PTPRD: variants seen among roughly 807,000 people sequenced by gnomAD.
The protein encoded by PTPRD is receptor-type tyrosine-protein phosphatase delta.
Under a neutral mutation model 214.5 loss-of-function variants are expected in PTPRD, and 34 were observed. The observed-to-expected ratio is 0.16, with a 90% confidence interval of 0.12 to 0.21. The LOEUF (loss-of-function observed/expected upper bound fraction) is 0.21. Ranked by LOEUF, PTPRD falls within the 10% of genes least tolerant of loss-of-function variation. The pLI, the probability that PTPRD is intolerant of heterozygous loss-of-function variation, is 1.00. For missense variants in PTPRD, 2,545 were observed against 2,398.7 expected (o/e 1.06, Z -1.27); for synonymous variants, 1,128 against 845.7 (o/e 1.33, Z -5.79).
chr9:10,547,795 G>A (rs1198229166), intron 2 of PTPRD, among the ~76,000 whole-genome samples: 2 of 151,992 alleles, frequency 1.3e-5, no homozygotes, highest in African/African-American at 4.8e-5. Context: ...AAGTAACAAT[G>A]ACAGATTGCT....
intron 3 of PTPRD, among the ~76,000 whole-genome samples, chr9:10,229,964 C>T (rs914810416): frequency 1.3e-5 from 2 of 151,942 alleles, no homozygotes; most frequent in African/African-American, 4.8e-5. Flanking sequence ...ATAATTAATA[C>T]ACTCGTATAT....
Position 8,594,149 on chromosome 9 carries a change from T to A in PTPRD, c.352+39168A>T, listed in dbSNP as rs151280904. On this transcript the variant is annotated intron_variant, in intron 14 of 45. Transcript: ENST00000381196. ...TGCTGGATTGGTTTGACATGTGAAA[T>A]CACACAGAATAAATCTAATCTCCAA... 3.6e-4 allele frequency among the ~76,000 whole-genome samples: 55 copies of A among 152,278 alleles called. No homozygotes were observed. In the East Asian group the frequency reaches 7.0e-3, roughly 19 times the overall value.
intron 10 of PTPRD, among the ~76,000 whole-genome samples, chr9:9,165,805 T>G (rs12000463): frequency 0.23 from 35,034 of 152,070 alleles, 4,397 homozygotes; most frequent in African/African-American, 0.33. Context: ...AGGCTAAACT[T>G]GATTTCAATG....
intron 31 of PTPRD, among the ~76,000 whole-genome samples, chr9:8,465,954 C>T (rs2096536406): frequency 6.6e-6 from 1 of 151,866 alleles, no homozygotes; most frequent in Admixed American, 6.6e-5. Context: ...TCATTTCCTA[C>T]ACTAATGAAA....
chr9:10,453,883 G>C (rs1238686758), intron 2 of PTPRD, among the ~76,000 whole-genome samples: 1 of 151,464 alleles, frequency 6.6e-6, no homozygotes, highest in Non-Finnish European at 1.5e-5. Flanking sequence ...CTAGATATTA[G>C]AAAAAAAGCT....
At chr9:8,584,316 T>C (rs2093452513) in intron 14 of PTPRD, among the ~76,000 whole-genome samples, 1 of 152,190 alleles carries the variant, frequency 6.6e-6, no homozygotes, top group Non-Finnish European at 1.5e-5. Flanking sequence ...AAATACGATG[T>C]CTTTTCTGGT....
At chr9:10,530,417 C>T (rs1463908140) in intron 2 of PTPRD, among the ~76,000 whole-genome samples, 1 of 152,282 alleles carries the variant, frequency 6.6e-6, no homozygotes, top group Middle Eastern at 3.4e-3. Flanking sequence ...ATCTTTTTTA[C>T]AAACTCACTT....
intron 3 of PTPRD, among the ~76,000 whole-genome samples, chr9:10,198,077 G>C (rs1388658894): frequency 6.6e-6 from 1 of 151,916 alleles, no homozygotes; most frequent in Non-Finnish European, 1.5e-5. Flanking sequence ...CTATTAAATA[G>C]AAGAATAAAT....
chr9:9,735,029 A>G (rs1422864711), intron 6 of PTPRD, among the ~76,000 whole-genome samples: 2 of 152,108 alleles, frequency 1.3e-5, no homozygotes, highest in African/African-American at 4.8e-5. Flanking sequence ...GCTTTGATTT[A>G]TTTTTGAAAA....
intron 2 of PTPRD, among the ~76,000 whole-genome samples, chr9:10,478,064 G>T (rs2099074625): frequency 6.6e-6 from 1 of 151,688 alleles, no homozygotes; most frequent in African/African-American, 2.4e-5. Flanking sequence ...GTTGATAGGT[G>T]CAGGAAACCA....
chr9:9,808,852 A>T (rs978733620), intron 5 of PTPRD, among the ~76,000 whole-genome samples: 1 of 151,906 alleles, frequency 6.6e-6, no homozygotes, highest in African/African-American at 2.4e-5. Context: ...GCTCACTGAA[A>T]CCTCAAACTC....
chr9:10,082,834 C>CAA (rs2098264242), intron 3 of PTPRD, among the ~76,000 whole-genome samples: 3 of 94,576 alleles, frequency 3.2e-5, no homozygotes, highest in Non-Finnish European at 5.1e-5. Context: ...CACACACACA[C>CAA]ACACAAACAC....
intron 7 of PTPRD, among the ~76,000 whole-genome samples, chr9:9,619,049 A>G (rs2095074118): frequency 6.6e-6 from 1 of 152,128 alleles, no homozygotes; most frequent in African/African-American, 2.4e-5. Context: ...ATAAAAAAAT[A>G]TGTGCTTTTG....
chr9:8,459,509 T>C (rs1174901265), intron 33 of PTPRD, among the ~76,000 whole-genome samples: 1 of 152,044 alleles, frequency 6.6e-6, no homozygotes, highest in Non-Finnish European at 1.5e-5. Flanking sequence ...TGCTACTCTT[T>C]ATAAGTTCAT....
chr9:9,125,266 C>G (rs1011656678), intron 10 of PTPRD, among the ~76,000 whole-genome samples: 2 of 152,170 alleles, frequency 1.3e-5, no homozygotes, highest in African/African-American at 4.8e-5. Flanking sequence ...TATTACCTAG[C>G]CAAACTTCCT....
intron 3 of PTPRD, among the ~76,000 whole-genome samples, chr9:10,132,167 T>C (rs911650148): frequency 3.3e-5 from 5 of 152,150 alleles, no homozygotes; most frequent in East Asian, 1.9e-4. Flanking sequence ...GTGATCTTTT[T>C]GTAGATTATG....
intron 23 of PTPRD, among the ~76,000 whole-genome samples, chr9:8,502,560 G>A (rs915631933): frequency 6.6e-6 from 1 of 152,020 alleles, no homozygotes; most frequent in African/African-American, 2.4e-5. Flanking sequence ...AAAACCACTA[G>A]AATCTCATTT....
chr9:8,581,725 C>A (rs923030853), intron 14 of PTPRD, among the ~76,000 whole-genome samples: 1 of 147,996 alleles, frequency 6.8e-6, no homozygotes, highest in Non-Finnish European at 1.5e-5. Flanking sequence ...CTAGCCCGGA[C>A]GACAGAGCGA....
In PTPRD at chr9:8,472,686, T is replaced by C. The variant is rs142388161; in HGVS notation, c.3414-1601A>G. On this transcript the variant is annotated intron_variant, in intron 30 of 45. Transcript: ENST00000381196. ...TTTAAAATAATGATACATTATAAAA[T>C]AATCTGGATGTATTAGGTTAAATAA... 1.1e-3 allele frequency among the ~76,000 whole-genome samples: 172 copies of C among 151,984 alleles called. 1 individual carries two copies. The Middle Eastern group carries it at 0.021, about 18-fold the overall frequency.
Sources: gnomAD v4.1 joint callset for allele counts (sites outside exome capture counted in the v4.1 genomes callset) on GRCh38, gnomAD v4.1.1 for gene constraint, MANE v1.5 for transcripts, NCBI Gene and HGNC (gene_info 2026-07-23, HGNC 2026-07-21) for gene names.